TDG: variants seen among roughly 807,000 people sequenced by gnomAD.
TDG encodes the protein G/T mismatch-specific thymine DNA glycosylase.
TDG carries 23 observed loss-of-function variants against 46.1 expected under a neutral mutation model. The ratio of observed to expected loss-of-function variants is 0.50; its 90% CI spans 0.36 to 0.71. The LOEUF (loss-of-function observed/expected upper bound fraction) is 0.71. TDG is among the 30% of genes least tolerant of loss of function. The pLI, the probability that TDG is intolerant of heterozygous loss-of-function variation, is 0.00. For missense variants in TDG, 304 were observed against 486.7 expected (o/e 0.62, Z 3.53); for synonymous variants, 115 against 161.3 (o/e 0.71, Z 2.18).
At chr12:103,977,536 CAG>C (rs773684574) in intron 2 of TDG, among the ~76,000 whole-genome samples, 16 of 152,292 alleles carry the variant, frequency 1.1e-4, no homozygotes, top group Middle Eastern at 3.4e-3. Context: ...TGGCCAGAAA[CAG>C]AGCAATTCTG....
At chr12:103,977,984 G>T (rs1871620321) in intron 2 of TDG, among the ~76,000 whole-genome samples, 1 of 152,084 alleles carries the variant, frequency 6.6e-6, no homozygotes, top group Non-Finnish European at 1.5e-5. Flanking sequence ...AATCCTGGAG[G>T]CGGAGGCTGA....
At chr12:103,976,575 G>T (rs1301597891) in intron 1 of TDG, among the ~76,000 whole-genome samples, 3 of 152,232 alleles carry the variant, frequency 2.0e-5, no homozygotes, top group Non-Finnish European at 4.4e-5. Flanking sequence ...TCTTAACCCT[G>T]TATGGGTTGA....
Position 103,982,933 on chromosome 12 carries a change from A to G in TDG, c.613A>G (p.Ser205Gly), listed in dbSNP as rs1871927214. ...RTTPGSKDLS[S>G]KEFREGGRIL... is the part of the protein sequence containing the mutation. ...CACGCCCGGCAGCAAAGATCTCTCC[A>G]GGTAAGTACACAGCATTTGCTTTTA... The change falls in exon 5 of 10, where the codon AGT becomes GGT. Residue 205 changes from serine to glycine, a missense_variant and splice_region_variant. Physicochemically the swap from Ser to Gly is moderately conservative, Grantham distance 56. Transcript: ENST00000392872. 3 of 1,611,630 alleles carry G rather than the reference A, an allele frequency of 1.9e-6. No homozygotes were observed.
At chr12:103,982,360 G>A (rs1871881629) in intron 4 of TDG, among the ~76,000 whole-genome samples, 1 of 152,182 alleles carries the variant, frequency 6.6e-6, no homozygotes, top group Non-Finnish European at 1.5e-5. Flanking sequence ...ATCACCAATT[G>A]TAAAGCAAAA....
At chr12:103,967,447 A>G (rs1309070448) in intron 1 of TDG, among the ~76,000 whole-genome samples, 3 of 146,628 alleles carry the variant, frequency 2.0e-5, no homozygotes, top group African/African-American at 7.6e-5. Flanking sequence ...GTGAAAAAAA[A>G]TAAATTTACT....
intron 1 of TDG, among the ~76,000 whole-genome samples, chr12:103,974,510 G>C (rs1337917310): frequency 2.6e-5 from 4 of 152,010 alleles, no homozygotes; most frequent in Non-Finnish European, 5.9e-5. Flanking sequence ...TGAATTCCTG[G>C]CCTCAAGTGA....
At chr12:103,980,227 G>A in intron 3 of TDG, 155 bp downstream of exon 3, 1 of 1,068,360 alleles carries the variant, frequency 9.4e-7, no homozygotes, top group Non-Finnish European at 1.3e-6. Flanking sequence ...TGTGTTATAT[G>A]AGAGTGTTTA....
chr12:103,979,101 TTTTC>T, intron 2 of TDG, among the ~76,000 whole-genome samples: 2 of 67,618 alleles, frequency 3.0e-5, no homozygotes, highest in Non-Finnish European at 5.7e-5. Context: ...TGTTTTTCTT[TTTTC>T]TTTCTTTTTT....
Position 103,983,008 on chromosome 12 carries a change from A to G in TDG, c.614+74A>G, listed in dbSNP as rs534599879. The G allele has an allele frequency of 5.7e-6, 9 of 1,592,818 alleles. No individual in the cohort carries two copies. In the South Asian group the frequency reaches 8.0e-5, roughly 14 times the overall value. ...GTGCCCCAAATATTCTAGGAACATC[A>G]TATGTATCTAGTTCAAGCTGAGCTC... On this transcript the variant is annotated intron_variant, in intron 5 of 9. Coordinates refer to ENST00000392872, the MANE Select transcript of TDG (RefSeq NM_003211.6).
At chr12:103,985,856 T>A in intron 9 of TDG, 128 bp downstream of exon 9, 1 of 1,064,752 alleles carries the variant, frequency 9.4e-7, no homozygotes, top group Non-Finnish European at 1.3e-6. Flanking sequence ...ATTTAGTGAC[T>A]AATAGTGAAA....
chr12:103,972,463 T>C (rs371187604), intron 1 of TDG, among the ~76,000 whole-genome samples: 1 of 152,176 alleles, frequency 6.6e-6, no homozygotes, highest in East Asian at 1.9e-4. Flanking sequence ...TTTATGAAGA[T>C]TTTTGTGTAG....
rs76861258 is a variant in TDG at position 103,984,021 on chromosome 12, G to A, written c.792+632G>A. On this transcript the variant is annotated intron_variant, in intron 7 of 9. Transcript: ENST00000392872. ...AACACAGTGCACAGATTTACATGTTGTATATACAACATCTTAACTGATGGA... is the reference window on the plus strand; with the variant it reads ...AACACAGTGCACAGATTTACATGTTATATATACAACATCTTAACTGATGGA... Among the ~76,000 whole-genome samples the A allele has an allele frequency of 4.3e-4, 66 of 152,270 alleles. 1 individual carries two copies. In the East Asian group the frequency reaches 0.012, roughly 28 times the overall value.
chr12:103,984,740 T>C lies in TDG; in HGVS notation c.793-9T>C, dbSNP rs928365381. 8.8e-6 allele frequency: 6 copies of C among 678,456 alleles called. No homozygotes were observed. Among genetic ancestry groups the C allele is most frequent in the Non-Finnish European group, 1.1e-5 (6 of 543,256 alleles). 42.0% of individuals were successfully genotyped at this position (678,456 alleles called of 1,614,324 possible). On this transcript the variant is annotated splice_polypyrimidine_tract_variant and intron_variant, in intron 7 of 9. Coordinates refer to ENST00000392872, the MANE Select transcript of TDG (RefSeq NM_003211.6). The stretch of plus-strand genomic sequence containing the variant: ...AGATTTCTGAAATTATAAAATGTTG[T>C]GATTCTAGCTCTGCTATGTTATGCC...
chr12:103,983,012 G>A, intron 5 of TDG, 78 bp downstream of exon 5: 1 of 1,592,894 alleles, frequency 6.3e-7, no homozygotes, highest in Non-Finnish European at 8.5e-7. Flanking sequence ...AACATCATAT[G>A]TATCTAGTTC....
At chr12:103,982,009 G>GT (rs1005696273) in intron 4 of TDG, among the ~76,000 whole-genome samples, 29 of 152,220 alleles carry the variant, frequency 1.9e-4, no homozygotes, top group African/African-American at 6.5e-4. Flanking sequence ...ACTAGACCCT[G>GT]TATCACAAAA....
chr12:103,985,548 A>G (rs978585240), intron 8 of TDG, 55 bp from the exon 9 acceptor site: 1 of 1,542,598 alleles, frequency 6.5e-7, no homozygotes, highest in African/African-American at 1.4e-5. Flanking sequence ...GAATAAAGCT[A>G]CTTTTAAAAT....
intron 1 of TDG, among the ~76,000 whole-genome samples, chr12:103,974,974 CAAAAAAAAAAA>C (rs34864393): frequency 1.3e-5 from 1 of 77,232 alleles, no homozygotes; most frequent in East Asian, 4.7e-4. Flanking sequence ...GACTCCGTCT[CAAAAAAAAAAA>C]AAAAAAAAGA....
In TDG at chr12:103,983,507, G is replaced by C. The variant is rs947483292; in HGVS notation, c.792+118G>C. The stretch of plus-strand genomic sequence containing the variant: ...ATGCAAAACAATTACACTGTATTTT[G>C]TTGAATAATACCTATACATCAGCTT... On this transcript the variant is annotated intron_variant, in intron 7 of 9. Transcript: ENST00000392872. 1.2e-5 allele frequency: 8 copies of C among 643,676 alleles called. No homozygotes were observed. In the African/African-American group the frequency reaches 1.5e-4, roughly 12 times the overall value. 39.9% of individuals were successfully genotyped at this position (643,676 alleles called of 1,614,324 possible). A position where few individuals can be genotyped will look rare whatever the true frequency, so the allele number is the denominator to read the frequency against.
rs776173296 is a variant in TDG at position 103,979,786 on chromosome 12, CTAAGT to C, written c.167-40_167-36del. 5.4e-5 allele frequency: 82 copies of C among 1,529,432 alleles called. No homozygotes were observed. The East Asian group carries it at 1.3e-3, about 25-fold the overall frequency. 94.7% of individuals were successfully genotyped at this position (1,529,432 alleles called of 1,614,324 possible). On this transcript the variant is annotated intron_variant, in intron 2 of 9. Transcript: ENST00000392872. ...TTTTCTGGGAAAGCTGCTAAAGTTT[CTAAGT>C]TAAGATTTTCTGCATTTCTGGAAAT...
Sources: allele counts gnomAD v4.1 joint callset (sites outside exome capture counted in the v4.1 genomes callset), GRCh38; gene constraint gnomAD v4.1.1; transcripts MANE v1.5; gene names NCBI Gene and HGNC (gene_info 2026-07-23, HGNC 2026-07-21).